The following PDLIM3 variants were observed in gnomAD, a reference collection of about 807,000 sequenced individuals.
PDLIM3 encodes the protein PDZ and LIM domain protein 3.
In PDLIM3, 36 loss-of-function variants were observed where a neutral mutation model predicts 37.3. The observed-to-expected ratio is 0.97, with a 90% CI of 0.74 to 1.28. The LOEUF is 1.28. Ranked by LOEUF, PDLIM3 falls within the 50% of genes most tolerant of loss-of-function variation. PDLIM3 has a pLI of 0.00. For synonymous variants in PDLIM3, 174 were observed against 182.4 expected, an observed-to-expected ratio of 0.95 and a Z score of 0.37; for missense variants, 454 against 485.0, an observed-to-expected ratio of 0.94 and a Z score of 0.60.
chr4:185,518,450 T>C (rs961598779), intron 3 of PDLIM3, among the ~76,000 whole-genome samples: 3 of 151,920 alleles, frequency 2.0e-5, no homozygotes, highest in Middle Eastern at 3.4e-3. Flanking sequence ...TGTATACACA[T>C]ATATATTTAT....
intron 1 of PDLIM3, among the ~76,000 whole-genome samples, chr4:185,530,064 C>A (rs1260246040): frequency 6.6e-6 from 1 of 152,106 alleles, no homozygotes; most frequent in Non-Finnish European, 1.5e-5. Context: ...GTTAGAAGCC[C>A]ATCTAAGCCA....
intron 2 of PDLIM3, among the ~76,000 whole-genome samples, 170 bp downstream of exon 2, chr4:185,524,850 A>G (rs2095730093): frequency 6.6e-6 from 1 of 152,220 alleles, no homozygotes; most frequent in Admixed American, 6.5e-5. Context: ...TTTGTCAACA[A>G]CTGCTAGATT....
intron 1 of PDLIM3, 108 bp downstream of exon 1, chr4:185,535,234 G>T (rs901279295): frequency 1.0e-6 from 1 of 991,522 alleles, no homozygotes; most frequent in Non-Finnish European, 1.5e-6. Context: ...CCGTCCGCCC[G>T]CCCTCGCGCG....
rs930976875 is a variant in PDLIM3 at position 185,514,969 on chromosome 4, C to T, written c.331-632G>A. The stretch of plus-strand genomic sequence containing the variant: ...GTGAGCGAAACCAACAGCATCACTA[C>T]TGTTAATAAAGGCATCTTTACCCAC... On this transcript the variant is annotated intron_variant, in intron 3 of 7. Transcript: ENST00000284767. The surrounding 1 kb of genome is among the most constrained non-coding windows in gnomAD (Gnocchi z 4.0). 6.1e-6 allele frequency: 7 copies of T among 1,155,254 alleles called. No homozygotes were observed. The highest frequency in any genetic ancestry group is 4.8e-6 in the Non-Finnish European group (4 of 829,712). The allele number at this position is 1,155,254 out of a possible 1,614,324, so 71.6% of individuals were successfully genotyped here.
At position 185,504,997 on chromosome 4, in the gene PDLIM3, G is replaced by A. The variant is rs1427474221; in HGVS notation, c.794-411C>T. On this transcript the variant is annotated intron_variant, in intron 6 of 7. Coordinates refer to ENST00000284767, the MANE Select transcript of PDLIM3 (RefSeq NM_014476.6). The surrounding 1 kb of genome is among the most constrained non-coding windows in gnomAD (Gnocchi z 4.7). ...CACCTCACAGAACCTCTGTACCCAT[G>A]AAACAGTAACTCCCCACCCATGAAA... Among the ~76,000 whole-genome samples the A allele has an allele frequency of 6.8e-6, 1 of 145,996 alleles. No homozygotes were observed. The highest frequency in any genetic ancestry group is 1.9e-4 in the East Asian group (1 of 5,194).
At chr4:185,531,831 C>T (rs1449903596) in intron 1 of PDLIM3, among the ~76,000 whole-genome samples, 4 of 150,434 alleles carry the variant, frequency 2.7e-5, no homozygotes, top group East Asian at 2.0e-4. Context: ...TGGTGGCTCA[C>T]GACTGTAATC....
intron 2 of PDLIM3, 89 bp downstream of exon 2, chr4:185,524,931 C>T (rs2095730320): frequency 3.0e-6 from 4 of 1,345,564 alleles, no homozygotes. Context: ...CTGTGGCCCT[C>T]CTTGCTGGGA....
intron 7 of PDLIM3, among the ~76,000 whole-genome samples, chr4:185,502,957 G>T (rs995418340): frequency 1.9e-4 from 29 of 152,166 alleles, no homozygotes; most frequent in African/African-American, 7.0e-4. Context: ...ACCGGGCGTG[G>T]TGGCTCACGC....
chr4:185,525,694 T>A (rs1406760122), intron 1 of PDLIM3, among the ~76,000 whole-genome samples: 1 of 152,138 alleles, frequency 6.6e-6, no homozygotes, highest in African/African-American at 2.4e-5. Flanking sequence ...GAGGAGGGAC[T>A]TTTGGGGGGT....
rs764952811 is a variant in PDLIM3 at position 185,514,442 on chromosome 4, T to C, written c.331-105A>G. The C allele has an allele frequency of 2.5e-5, 40 of 1,606,658 alleles. No individual in the cohort carries two copies. The highest frequency in any genetic ancestry group is 3.1e-5 in the Non-Finnish European group (37 of 1,175,454). ...ACAGGGAGGATCATTTACCACCAAC[T>C]ACTGTCATAACTAAGAAAGGCGATG... On this transcript the variant is annotated intron_variant, in intron 3 of 7. Transcript: ENST00000284767. The surrounding 1 kb of genome is among the most constrained non-coding windows in gnomAD (Gnocchi z 4.0).
rs8315 is a variant in PDLIM3 at position 185,502,282 on chromosome 4, G to A, written c.*12C>T. 0.012 allele frequency: 18,765 copies of A among 1,613,670 alleles called. 164 individuals are homozygous for A. The highest frequency in any genetic ancestry group is 0.031 in the Middle Eastern group (187 of 6,018). On this transcript the variant is annotated 3_prime_UTR_variant, in exon 8 of 8. Coordinates refer to ENST00000284767, the MANE Select transcript of PDLIM3 (RefSeq NM_014476.6). ...GGGTGGGTGCGTGCGTGCGTGCCACGCCTGCAGAGACTTAAGCTTTGGGAT... is the reference window on the plus strand; with the variant it reads ...GGGTGGGTGCGTGCGTGCGTGCCACACCTGCAGAGACTTAAGCTTTGGGAT...
At chr4:185,518,599 T>C (rs959800241) in intron 3 of PDLIM3, among the ~76,000 whole-genome samples, 1 of 152,122 alleles carries the variant, frequency 6.6e-6, no homozygotes, top group African/African-American at 2.4e-5. Flanking sequence ...TTTCATCACG[T>C]TTGAAGTTTA....
chr4:185,535,207 C>T (rs1041145590), intron 1 of PDLIM3, 135 bp downstream of exon 1: 15 of 713,062 alleles, frequency 2.1e-5, no homozygotes, highest in African/African-American at 1.9e-4. Context: ...CGCCGAAGCC[C>T]GGGAGCCAGC....
Position 185,506,379 on chromosome 4 carries a change from A to G in PDLIM3, c.793+143T>C, listed in dbSNP as rs2095697188. The G allele has an allele frequency of 9.2e-6, 10 of 1,089,546 alleles. No homozygotes were observed. In the East Asian group the frequency reaches 2.4e-4, roughly 26 times the overall value. 67.5% of individuals were successfully genotyped at this position (1,089,546 alleles called of 1,614,324 possible). A position where few individuals can be genotyped will look rare whatever the true frequency, so the allele number is the denominator to read the frequency against. Reference sequence around the variant, plus strand: ...TTAAACGAGGCACCATCCATATCCTATCCTTCTGAGCAAAAATTCATTTGG... The same window carrying G: ...TTAAACGAGGCACCATCCATATCCTGTCCTTCTGAGCAAAAATTCATTTGG... On this transcript the variant is annotated intron_variant, in intron 6 of 7. Transcript: ENST00000284767.
chr4:185,531,726 G>T (rs929644050), intron 1 of PDLIM3, among the ~76,000 whole-genome samples: 1 of 152,040 alleles, frequency 6.6e-6, no homozygotes, highest in Non-Finnish European at 1.5e-5. Context: ...AACACATCTC[G>T]TTTATGGGAC....
At chr4:185,535,205 C>T in intron 1 of PDLIM3, 137 bp downstream of exon 1, 3 of 697,330 alleles carry the variant, frequency 4.3e-6, no homozygotes, top group Non-Finnish European at 4.7e-6. Context: ...GGCGCCGAAG[C>T]CCGGGAGCCA....
chr4:185,519,594 A>T (rs6822659), intron 3 of PDLIM3, among the ~76,000 whole-genome samples: 124,149 of 152,134 alleles, frequency 0.82, 51,105 homozygotes, highest in Non-Finnish European at 0.87. Context: ...GCCACATTTT[A>T]AAAATCTAGA....
rs1264194574 is a variant in PDLIM3, at chr4:185,502,042, T to A, written c.*252A>T. On this transcript the variant is annotated 3_prime_UTR_variant, in exon 8 of 8. Coordinates refer to ENST00000284767, the MANE Select transcript of PDLIM3 (RefSeq NM_014476.6). ...ATTGTGGAGTATGACATACAAAAAATTATTGCTTTAAATATCATTATTGCT... is the reference window on the plus strand; with the variant it reads ...ATTGTGGAGTATGACATACAAAAAAATATTGCTTTAAATATCATTATTGCT... 1.9e-5 allele frequency: 10 copies of A among 533,024 alleles called. No homozygotes were observed. In the Admixed American group the frequency reaches 2.5e-4, roughly 13 times the overall value. The allele number at this position is 533,024 out of a possible 1,614,324, so 33.0% of individuals were successfully genotyped here.
Position 185,508,376 on chromosome 4 carries a change from C to T in PDLIM3, c.585G>A (p.Gln195=), listed in dbSNP as rs2153332969. The change falls in exon 5 of 8, where the codon CAG becomes CAA. Residue 195 remains glutamine, a synonymous_variant. Transcript: ENST00000284767. ...CCATAATATTGTCATCTGAGTACAA[C>T]TGCATAGGTGTATTAAACTGAGCAT... ...IVHAQFNTPM[Q]LYSDDNIMET... is the part of the protein sequence containing the mutation. 6.2e-7 allele frequency: 1 copy of T among 1,614,080 alleles called. No homozygotes were observed. Among genetic ancestry groups the T allele is most frequent in the Non-Finnish European group, 8.5e-7 (1 of 1,179,964 alleles).
Sources: allele counts gnomAD v4.1 joint callset (sites outside exome capture counted in the v4.1 genomes callset), GRCh38; gene constraint gnomAD v4.1.1; non-coding constraint Gnocchi (gnomAD v3.1); transcripts MANE v1.5; gene names NCBI Gene and HGNC (gene_info 2026-07-23, HGNC 2026-07-21).